STS: variants seen among roughly 807,000 people sequenced by gnomAD.
STS encodes the protein steroid sulfatase, also known as steryl-sulfatase.
STS carries 7 observed loss-of-function variants against 26.8 expected under a neutral mutation model. That is an observed-to-expected ratio of 0.26 (90% CI 0.15 to 0.49). The LOEUF is 0.49. Ranked by LOEUF, STS falls within the 20% of genes least tolerant of loss-of-function variation. The pLI is 0.98. For synonymous variants in STS, 199 were observed against 189.4 expected (o/e 1.05, Z -0.42); for missense variants, 434 against 465.6 (o/e 0.93, Z 0.63).
intron 1 of STS, among the ~76,000 whole-genome samples, chrX:7,155,450 C>T (rs1933113517): frequency 9.0e-6 from 1 of 111,222 alleles, no homozygotes; most frequent in African/African-American, 3.3e-5. Flanking sequence ...TCTTAGGTAC[C>T]TCAAATAGTT....
intron 2 of STS, among the ~76,000 whole-genome samples, chrX:7,223,677 G>C (rs1441240389): frequency 1.8e-5 from 2 of 110,448 alleles, no homozygotes; most frequent in Non-Finnish European, 3.8e-5. Context: ...CAGATGCATA[G>C]TTTGCAATTT....
chrX:7,231,816 C>T (rs1298356256), intron 2 of STS, among the ~76,000 whole-genome samples: 2 of 101,714 alleles, frequency 2.0e-5, no homozygotes, highest in Non-Finnish European at 4.0e-5. Context: ...TATTTTCATA[C>T]TCTCTCTAAT....
chrX:7,324,016 A>C (rs1927221319), intron 8 of STS, among the ~76,000 whole-genome samples: 1 of 111,993 alleles, frequency 8.9e-6, no homozygotes, highest in Non-Finnish European at 1.9e-5. Context: ...TTCTGAGCCA[A>C]GTTGACACAG....
At position 7,299,379 on chromosome X, in the gene STS, A is replaced by G. The variant is rs1235487046; in HGVS notation, c.944-5667A>G. Among the ~76,000 whole-genome samples the G allele has an allele frequency of 5.9e-5, 6 of 101,388 alleles. No homozygotes were observed. In the East Asian group the frequency reaches 1.5e-3, roughly 25 times the overall value. The allele number at this position is 101,388 out of a possible 115,157, so 88.0% of individuals were successfully genotyped here. ...TATACTTACAAAATTATAACATTCT[A>G]TATAAATTTATATAATATACGTATA... On this transcript the variant is annotated intron_variant, in intron 7 of 10. Coordinates refer to ENST00000674429, the MANE Select transcript of STS (RefSeq NM_001320752.2).
At chrX:7,312,480 A>T (rs1204174377) in intron 8 of STS, among the ~76,000 whole-genome samples, 1 of 111,230 alleles carries the variant, frequency 9.0e-6, no homozygotes, top group Non-Finnish European at 1.9e-5. Flanking sequence ...ATGAGTAGGG[A>T]TATGGTTTGG....
intron 8 of STS, among the ~76,000 whole-genome samples, chrX:7,319,741 A>G: frequency 9.3e-6 from 1 of 107,458 alleles, no homozygotes; most frequent in Non-Finnish European, 1.9e-5. Context: ...TTCTTTCAGG[A>G]CATAGACAAC....
intron 1 of STS, among the ~76,000 whole-genome samples, chrX:7,155,019 A>G (rs1933104854): frequency 8.9e-6 from 1 of 112,078 alleles, no homozygotes; most frequent in African/African-American, 3.2e-5. Flanking sequence ...TCTGGAGGGA[A>G]CAGAAAGCTG....
At chrX:7,155,097 T>C (rs1407831670) in intron 1 of STS, among the ~76,000 whole-genome samples, 4 of 111,983 alleles carry the variant, frequency 3.6e-5, no homozygotes, top group African/African-American at 1.3e-4. Context: ...GAATGAGTCC[T>C]TGCCTCCTCA....
chrX:7,222,904 T>C (rs1284255927), intron 2 of STS, among the ~76,000 whole-genome samples: 1 of 111,743 alleles, frequency 8.9e-6, no homozygotes, highest in African/African-American at 3.3e-5. Context: ...CACTCCTATC[T>C]CACTGCCCAC....
At chrX:7,241,939 T>C (rs1922639367) in intron 2 of STS, among the ~76,000 whole-genome samples, 1 of 111,677 alleles carries the variant, frequency 9.0e-6, no homozygotes, top group East Asian at 2.8e-4. Flanking sequence ...TCATTTTTTT[T>C]TGCTGGCTGT....
At position 7,350,373 on chromosome X, in the gene STS, C is replaced by A; in HGVS notation, c.*112C>A. 1.9e-6 allele frequency: 2 copies of A among 1,032,342 alleles called. No individual in the cohort carries two copies. The highest frequency in any genetic ancestry group is 2.1e-5 in the South Asian group (1 of 47,047). The allele number at this position is 1,032,342 out of a possible 1,213,427, so 85.1% of individuals were successfully genotyped here. ...ACTCCATCTACACCTTGGATTTGGA[C>A]TGATTCTCCATTTTATCACCTGAAG... On this transcript the variant is annotated 3_prime_UTR_variant, in exon 11 of 11. Coordinates refer to ENST00000674429, the MANE Select transcript of STS (RefSeq NM_001320752.2).
At chrX:7,147,401 G>A (rs1338442507), upstream of STS, among the ~76,000 whole-genome samples, 3 of 111,408 alleles carry the variant, frequency 2.7e-5, no homozygotes, top group African/African-American at 9.8e-5. Flanking sequence ...TGCACTGCGG[G>A]AAGTTTAACA....
chrX:7,161,408 T>G (rs1763455763), intron 1 of STS, among the ~76,000 whole-genome samples: 1 of 112,134 alleles, frequency 8.9e-6, no homozygotes, highest in African/African-American at 3.2e-5. Context: ...AGTTCAGAGA[T>G]CAGTTAGTGT....
intron 1 of STS, among the ~76,000 whole-genome samples, chrX:7,155,652 T>C (rs1933117480): frequency 1.8e-5 from 2 of 112,015 alleles, no homozygotes; most frequent in Non-Finnish European, 3.8e-5. Flanking sequence ...AAATATTATA[T>C]TACAAACAAT....
chrX:7,290,451 C>T (rs1183988307), intron 7 of STS, among the ~76,000 whole-genome samples: 4 of 112,228 alleles, frequency 3.6e-5, no homozygotes, highest in Non-Finnish European at 7.5e-5. Context: ...TAGTAGTTCT[C>T]ATGGCAGCCT....
chrX:7,148,065 C>A lies in STS; in HGVS notation c.-152C>A. The A allele has an allele frequency of 8.8e-7, 1 of 1,138,636 alleles. No homozygotes were observed. The highest frequency in any genetic ancestry group is 1.2e-6 in the Non-Finnish European group (1 of 857,504). The allele number at this position is 1,138,636 out of a possible 1,213,427, so 93.8% of individuals were successfully genotyped here. On this transcript the variant is annotated 5_prime_UTR_variant, in exon 1 of 11. Coordinates refer to ENST00000674429, the MANE Select transcript of STS (RefSeq NM_001320752.2). Reference sequence around the variant, plus strand: ...GCACACTACCCACCCAGAAGAAGTCCGTCCATGTCAAAGATGAGGTGGGTG... The same window carrying A: ...GCACACTACCCACCCAGAAGAAGTCAGTCCATGTCAAAGATGAGGTGGGTG...
rs182715142 is a variant in STS at position 7,321,736 on chromosome X, A to G, written c.1082-3603A>G. ...ACTGTCTATTTAATGCTTCACACCA[A>G]TTGTTTAAAACAGCCTCTTTTTTGA... is the stretch of plus-strand genomic sequence containing the variant. On this transcript the variant is annotated intron_variant, in intron 8 of 10. Transcript: ENST00000674429. Among the ~76,000 whole-genome samples the G allele has an allele frequency of 9.8e-5, 11 of 112,514 alleles. No individual in the cohort carries two copies. The East Asian group carries it at 3.1e-3, about 32-fold the overall frequency.
At chrX:7,207,149 C>T (rs1920956184) in intron 2 of STS, among the ~76,000 whole-genome samples, 1 of 111,705 alleles carries the variant, frequency 9.0e-6, no homozygotes, top group African/African-American at 3.3e-5. Flanking sequence ...GAGATTGTAC[C>T]ACTGCACTTC....
At chrX:7,169,792 C>G (rs1275720594) in intron 1 of STS, among the ~76,000 whole-genome samples, 2 of 108,295 alleles carry the variant, frequency 1.8e-5, no homozygotes, top group Admixed American at 1.0e-4. Context: ...TTCTGAGACT[C>G]GTTTGTTTGC....
Sources: allele counts gnomAD v4.1 joint callset (sites outside exome capture counted in the v4.1 genomes callset), GRCh38; gene constraint gnomAD v4.1.1; transcripts MANE v1.5; gene names NCBI Gene and HGNC (gene_info 2026-07-23, HGNC 2026-07-21).